The following RAB38 variants were observed in gnomAD, a reference collection of about 807,000 sequenced individuals.
RAB38 encodes ras-related protein Rab-38.
In RAB38, 15 loss-of-function variants were observed where a neutral mutation model predicts 18.4. The ratio of observed to expected loss-of-function variants is 0.82; its 90% CI spans 0.55 to 1.26. RAB38 has a LOEUF of 1.26. Among genes scored for constraint, RAB38 ranks in the 50% most tolerant of loss-of-function variants. RAB38 has a pLI of 0.00. For missense variants in RAB38, 294 were observed against 267.4 expected, an observed-to-expected ratio of 1.10 and a Z score of -0.69; for synonymous variants, 101 against 104.4, an observed-to-expected ratio of 0.97 and a Z score of 0.20.
At chr11:87,864,451 T>G in the RAB38 span, among the ~76,000 whole-genome samples, 1 of 151,558 alleles carries the variant, frequency 6.6e-6, no homozygotes, top group African/African-American at 2.4e-5. Flanking sequence ...CCTCATAATT[T>G]ACATACATCA....
At chr11:87,976,674 T>TATATATATAATTTTATATA in the RAB38 span, among the ~76,000 whole-genome samples, 26 of 61,040 alleles carry the variant, frequency 4.3e-4, no homozygotes, top group African/African-American at 5.9e-4. Flanking sequence ...TTTTATATGA[T>TATATATATAATTTTATATA]ATATATTTAT....
At chr11:88,056,359 T>A in the RAB38 span, among the ~76,000 whole-genome samples, 1 of 152,128 alleles carries the variant, frequency 6.6e-6, no homozygotes, top group African/African-American at 2.4e-5. Context: ...GCAGGAGATG[T>A]AGAGTGTTAT....
chr11:88,032,311 T>C, the RAB38 span, among the ~76,000 whole-genome samples: 1 of 152,206 alleles, frequency 6.6e-6, no homozygotes, highest in African/African-American at 2.4e-5. Flanking sequence ...ATTCAGGACA[T>C]AGGCATGGGC....
chr11:87,880,023 A>G, the RAB38 span: 11 of 151,776 alleles, frequency 7.2e-5, no homozygotes, highest in Non-Finnish European at 1.3e-4. Context: ...AGTGGTACAT[A>G]GTAATAAGTT....
chr11:87,962,260 G>A, the RAB38 span, among the ~76,000 whole-genome samples: 1 of 151,694 alleles, frequency 6.6e-6, no homozygotes, highest in Non-Finnish European at 1.5e-5. Flanking sequence ...GTACTACCTG[G>A]AGCACTAAAC....
chr11:88,016,041 G>A, the RAB38 span, among the ~76,000 whole-genome samples: 1 of 152,094 alleles, frequency 6.6e-6, no homozygotes, highest in Non-Finnish European at 1.5e-5. Flanking sequence ...ATAGAAAAAA[G>A]CAGCAGGGAA....
chr11:88,095,267 G>C, the RAB38 span, among the ~76,000 whole-genome samples: 4 of 151,806 alleles, frequency 2.6e-5, no homozygotes, highest in Admixed American at 2.0e-4. Context: ...TCATTTCCAA[G>C]CAAGGGAATT....
the RAB38 span, among the ~76,000 whole-genome samples, chr11:87,867,550 T>G: frequency 1.3e-5 from 2 of 151,870 alleles, no homozygotes; most frequent in South Asian, 2.1e-4. Flanking sequence ...CTTCCTGACA[T>G]TCAAGAATTG....
chr11:87,909,997 G>A, the RAB38 span, among the ~76,000 whole-genome samples: 3 of 152,008 alleles, frequency 2.0e-5, no homozygotes, highest in African/African-American at 7.2e-5. Flanking sequence ...GTTTTTCAGC[G>A]TGGTTAGACC....
At chr11:87,868,697 A>G in the RAB38 span, among the ~76,000 whole-genome samples, 1 of 151,554 alleles carries the variant, frequency 6.6e-6, no homozygotes, top group African/African-American at 2.4e-5. Flanking sequence ...CTCCTAGCAC[A>G]GGATTTCCCT....
chr11:87,971,790 C>G, the RAB38 span, among the ~76,000 whole-genome samples: 1 of 152,218 alleles, frequency 6.6e-6, no homozygotes, highest in Admixed American at 6.6e-5. Flanking sequence ...ACATCCTTCT[C>G]TGTCTATGCC....
the RAB38 span, among the ~76,000 whole-genome samples, chr11:87,909,485 T>G: frequency 6.6e-6 from 1 of 152,022 alleles, no homozygotes; most frequent in East Asian, 1.9e-4. Flanking sequence ...TTAAACAATC[T>G]TGTTAAGGTA....
the RAB38 span, among the ~76,000 whole-genome samples, chr11:87,894,704 C>T: frequency 1.9e-4 from 28 of 150,060 alleles, no homozygotes; most frequent in Admixed American, 7.3e-4. Flanking sequence ...GAGTGCATTA[C>T]GTATGAAATA....
chr11:87,875,945 C>A, the RAB38 span, among the ~76,000 whole-genome samples: 1 of 151,522 alleles, frequency 6.6e-6, no homozygotes, highest in Non-Finnish European at 1.5e-5. Context: ...CCTCCCCATT[C>A]TTTACATTTA....
intron 1 of RAB38, among the ~76,000 whole-genome samples, chr11:88,168,912 CT>C (rs1003704695): frequency 5.9e-5 from 9 of 152,264 alleles, no homozygotes; most frequent in South Asian, 2.1e-4. Context: ...ATCAGCCCCC[CT>C]AATACCTTAT....
chr11:87,862,409 C>T, the RAB38 span, among the ~76,000 whole-genome samples: 1 of 151,790 alleles, frequency 6.6e-6, no homozygotes, highest in Non-Finnish European at 1.5e-5. Context: ...TAACACAGCA[C>T]AGCAAACCAG....
chr11:87,837,434 G>A, the RAB38 span, among the ~76,000 whole-genome samples: 1 of 152,082 alleles, frequency 6.6e-6, no homozygotes, highest in East Asian at 1.9e-4. Context: ...ATCTACTCTG[G>A]TAGGCAACAT....
chr11:87,907,164 T>C, the RAB38 span, among the ~76,000 whole-genome samples: 46 of 152,064 alleles, frequency 3.0e-4, no homozygotes, highest in African/African-American at 9.6e-4. Context: ...AGTTTCTCAA[T>C]TGGTGTTCCC....
the RAB38 span, among the ~76,000 whole-genome samples, chr11:87,898,975 A>C: frequency 6.6e-6 from 1 of 151,646 alleles, no homozygotes; most frequent in Non-Finnish European, 1.5e-5. Context: ...TCTTAATGCA[A>C]ATACTCTCAG....
Sources: allele counts gnomAD v4.1 joint callset (sites outside exome capture counted in the v4.1 genomes callset), GRCh38; gene constraint gnomAD v4.1.1; transcripts MANE v1.5; gene names NCBI Gene and HGNC (gene_info 2026-07-23, HGNC 2026-07-21).